The following FAT3 variants were observed in gnomAD, a reference collection of about 807,000 sequenced individuals.
FAT3 encodes protocadherin Fat 3.
A neutral mutation model predicts 310.2 loss-of-function variants in FAT3; 95 were observed. The ratio of observed to expected loss-of-function variants is 0.31; its 90% confidence interval spans 0.26 to 0.36. FAT3 has a LOEUF of 0.36. Ranked by LOEUF, FAT3 falls within the 10% of genes least tolerant of loss-of-function variation. The probability of loss-of-function intolerance (pLI) is 1.00; values close to 1 mark genes in which losing one functional copy is unlikely to be tolerated. For synonymous variants in FAT3, 2,314 were observed against 2,192.9 expected, an observed-to-expected ratio of 1.06 and a Z score of -1.54; for missense variants, 5,408 against 5,715.6, an observed-to-expected ratio of 0.95 and a Z score of 1.74.
At chr11:92,347,616 T>C (rs541570269) in intron 1 of FAT3, among the ~76,000 whole-genome samples, 59 of 152,268 alleles carry the variant, frequency 3.9e-4, no homozygotes, top group African/African-American at 1.3e-3. Context: ...CCAAGGTCTC[T>C]GGTATTTATT....
chr11:92,724,707 A>G (rs892919548), intron 4 of FAT3, among the ~76,000 whole-genome samples: 21 of 152,302 alleles, frequency 1.4e-4, no homozygotes, highest in African/African-American at 5.1e-4. Flanking sequence ...AATTACCCCC[A>G]CTAGAAGTGG....
intron 5 of FAT3, among the ~76,000 whole-genome samples, chr11:92,763,011 T>C (rs1591700624): frequency 6.6e-6 from 1 of 151,894 alleles, no homozygotes; most frequent in African/African-American, 2.4e-5. Context: ...TATAAAAAAT[T>C]AGCTGGGCAT....
intron 3 of FAT3, among the ~76,000 whole-genome samples, chr11:92,647,140 A>T (rs574708097): frequency 1.0e-3 from 159 of 152,190 alleles, no homozygotes; most frequent in African/African-American, 3.5e-3. Context: ...CTTTTCTTTG[A>T]TCTTAATACT....
At chr11:92,862,697 A>G (rs1949149921) in intron 21 of FAT3, among the ~76,000 whole-genome samples, 1 of 152,234 alleles carries the variant, frequency 6.6e-6, no homozygotes, top group South Asian at 2.1e-4. Flanking sequence ...GAGAGTTTCA[A>G]TGATCTATTT....
intron 8 of FAT3, among the ~76,000 whole-genome samples, chr11:92,791,997 CCGATGGT>C (rs1484393246): frequency 1.3e-5 from 2 of 152,080 alleles, no homozygotes; most frequent in African/African-American, 2.4e-5. Context: ...ATTCATATTC[CCGATGGT>C]CAGGGTTCTC....
At chr11:92,347,277 A>G (rs1009066632) in intron 1 of FAT3, among the ~76,000 whole-genome samples, 1 of 152,156 alleles carries the variant, frequency 6.6e-6, no homozygotes, top group Non-Finnish European at 1.5e-5. Context: ...CAGTTTGAAC[A>G]CGGGTCACCT....
At chr11:92,711,377 A>G (rs1944516147) in intron 4 of FAT3, among the ~76,000 whole-genome samples, 1 of 152,166 alleles carries the variant, frequency 6.6e-6, no homozygotes, top group Admixed American at 6.5e-5. Flanking sequence ...TTAAGTAGGA[A>G]CCATCTATCA....
At chr11:92,854,891 G>T (rs184249298) in intron 19 of FAT3, among the ~76,000 whole-genome samples, 6 of 152,304 alleles carry the variant, frequency 3.9e-5, no homozygotes, top group Non-Finnish European at 7.4e-5. Flanking sequence ...ACTTAGACTG[G>T]CTGAAATAGA....
At chr11:92,839,246 G>A (rs976854752) in intron 17 of FAT3, among the ~76,000 whole-genome samples, 3 of 152,300 alleles carry the variant, frequency 2.0e-5, no homozygotes, top group African/African-American at 7.2e-5. Flanking sequence ...CTATCCGCAG[G>A]GCAGGCATGT....
At position 92,790,134 on chromosome 11, in the gene FAT3, C is replaced by G. The variant is rs1947000183; in HGVS notation, c.4527C>G (p.Phe1509Leu). The change falls in exon 8 of 28, where the codon TTC becomes TTG. Residue 1509 changes from phenylalanine (F) to leucine (L), a missense_variant. Physicochemically the swap from Phe to Leu is conservative, Grantham distance 22. Coordinates refer to ENST00000525166, the MANE Select transcript of FAT3 (RefSeq NM_001367949.2). Reference protein sequence around the residue: ...SSIDSISMRKFRIDPSTGVLY... With the variant: ...SSIDSISMRKLRIDPSTGVLY... ...TCGACTCCATCAGCATGAGAAAATT[C>G]CGGATTGACCCTAGCACTGGCGTGC... 1 of 1,613,754 alleles carries G rather than the reference C, an allele frequency of 6.2e-7. No homozygotes were observed. The highest frequency in any genetic ancestry group is 8.5e-7 in the Non-Finnish European group (1 of 1,179,722).
chr11:92,333,962 A>C (rs1341109802), intron 1 of FAT3, among the ~76,000 whole-genome samples: 1 of 152,212 alleles, frequency 6.6e-6, no homozygotes, highest in African/African-American at 2.4e-5. Flanking sequence ...GATTACAGTT[A>C]GTGAGAAAAT....
At chr11:92,652,118 A>G (rs1011948692) in intron 3 of FAT3, among the ~76,000 whole-genome samples, 8 of 152,106 alleles carry the variant, frequency 5.3e-5, no homozygotes, top group Admixed American at 3.9e-4. Context: ...TGTCTTTTAT[A>G]TACATATTGA....
intron 2 of FAT3, among the ~76,000 whole-genome samples, chr11:92,483,165 T>G (rs1952280662): frequency 6.6e-6 from 1 of 152,110 alleles, no homozygotes; most frequent in East Asian, 1.9e-4. Flanking sequence ...CTAAGTGAAC[T>G]AGAGTGTACA....
chr11:92,689,334 G>T (rs543963091), intron 3 of FAT3, among the ~76,000 whole-genome samples: 2 of 152,130 alleles, frequency 1.3e-5, no homozygotes, highest in East Asian at 1.9e-4. Flanking sequence ...TCAGAATTAT[G>T]AAAAAAATCT....
rs976034244 is a variant in FAT3, at chr11:92,883,464, C to G, written c.12937+71C>G. ...CCTGCAGGGGCGCTGTGCGAGGACG[C>G]TACGGGAAGGGAGAGAGACCCCGCA... On this transcript the variant is annotated intron_variant, in intron 24 of 27. Transcript: ENST00000525166. This position sits in a 1 kb window ranked among gnomAD's most constrained non-coding sequence, Gnocchi z 4.2. The G allele has an allele frequency of 7.9e-6, 12 of 1,519,522 alleles. No individual in the cohort carries two copies. The African/African-American group carries it at 1.7e-4, about 21-fold the overall frequency. The allele number at this position is 1,519,522 out of a possible 1,614,324, so 94.1% of individuals were successfully genotyped here.
At chr11:92,590,119 C>T (rs955155232) in intron 3 of FAT3, among the ~76,000 whole-genome samples, 1 of 152,060 alleles carries the variant, frequency 6.6e-6, no homozygotes, top group African/African-American at 2.4e-5. Context: ...ATGCGTGATT[C>T]AAGTACTCAG....
At chr11:92,738,943 C>T (rs1945427204) in intron 4 of FAT3, among the ~76,000 whole-genome samples, 1 of 152,098 alleles carries the variant, frequency 6.6e-6, no homozygotes, top group African/African-American at 2.4e-5. Context: ...ATGAAGGGGC[C>T]TCAATATTAT....
At chr11:92,467,949 T>C (rs894830583) in intron 2 of FAT3, among the ~76,000 whole-genome samples, 1 of 152,168 alleles carries the variant, frequency 6.6e-6, no homozygotes, top group African/African-American at 2.4e-5. Flanking sequence ...AGAAAGGCAA[T>C]TGGGAGTGAG....
intron 7 of FAT3, among the ~76,000 whole-genome samples, chr11:92,781,240 G>A (rs376435302): frequency 2.0e-3 from 305 of 151,386 alleles, no homozygotes; most frequent in African/African-American, 6.8e-3. Flanking sequence ...ATGCCACCAC[G>A]CCCGGCTAGT....
Sources: gnomAD v4.1 joint callset for allele counts (sites outside exome capture counted in the v4.1 genomes callset) on GRCh38, gnomAD v4.1.1 for gene constraint, Gnocchi (gnomAD v3.1) non-coding constraint, MANE v1.5 for transcripts, NCBI Gene and HGNC (gene_info 2026-07-23, HGNC 2026-07-21) for gene names.